Variants in ORC5 observed in about 807,000 individuals in gnomAD.
The protein encoded by ORC5 is origin recognition complex subunit 5.
In ORC5, 39 loss-of-function variants were observed where a neutral mutation model predicts 58.8. The observed-to-expected ratio is 0.66, with a 90% CI of 0.51 to 0.87. The LOEUF (loss-of-function observed/expected upper bound fraction) is 0.87, where lower values mean the gene tolerates loss of function less well. Among genes scored for constraint, ORC5 ranks in the 40% least tolerant of loss-of-function variants. The pLI, the probability that ORC5 is intolerant of heterozygous loss-of-function variation, is 0.00. For missense variants in ORC5, 493 were observed against 506.3 expected (o/e 0.97, Z 0.25); for synonymous variants, 218 against 177.6 (o/e 1.23, Z -1.81).
intron 12 of ORC5, among the ~76,000 whole-genome samples, chr7:104,139,567 T>G (rs1366679111): frequency 6.6e-6 from 1 of 152,088 alleles, no homozygotes; most frequent in African/African-American, 2.4e-5. Flanking sequence ...GTATCTTATG[T>G]AGAGAAAATC....
chr7:104,164,794 G>A (rs1799079498), intron 11 of ORC5, among the ~76,000 whole-genome samples: 1 of 152,162 alleles, frequency 6.6e-6, no homozygotes, highest in Non-Finnish European at 1.5e-5. Context: ...TTGAGGCTTA[G>A]GTTTTAGCGT....
intron 4 of ORC5, among the ~76,000 whole-genome samples, chr7:104,195,542 C>T (rs1584521483): frequency 6.6e-6 from 1 of 152,274 alleles, no homozygotes; most frequent in East Asian, 1.9e-4. Context: ...AGGCATGTGC[C>T]ACCATGCCCA....
chr7:104,127,045 C>A, intron 13 of ORC5, 152 bp from the exon 14 acceptor site: 2 of 396,212 alleles, frequency 5.0e-6, no homozygotes, highest in Non-Finnish European at 4.6e-6. Context: ...GACATTAATT[C>A]TTTAAAATGT....
At chr7:104,187,608 C>T (rs1285890416) in intron 6 of ORC5, 3 of 279,672 alleles carry the variant, frequency 1.1e-5, no homozygotes, top group Non-Finnish European at 1.6e-5. Flanking sequence ...AACAGAAATT[C>T]TTGTCTCTTT....
At chr7:104,160,650 T>C (rs184487181) in intron 12 of ORC5, among the ~76,000 whole-genome samples, 11 of 152,110 alleles carry the variant, frequency 7.2e-5, no homozygotes, top group African/African-American at 1.2e-4. Context: ...CATTTTTTAA[T>C]AAAAGCACAT....
At chr7:104,140,430 C>T (rs1350211764) in intron 12 of ORC5, among the ~76,000 whole-genome samples, 1 of 151,948 alleles carries the variant, frequency 6.6e-6, no homozygotes, top group Non-Finnish European at 1.5e-5. Flanking sequence ...CCTTTTAATT[C>T]GAATGTCCAT....
intron 12 of ORC5, among the ~76,000 whole-genome samples, chr7:104,154,702 AT>A (rs1173358569): frequency 6.6e-6 from 1 of 151,938 alleles, no homozygotes; most frequent in Non-Finnish European, 1.5e-5. Context: ...TGGAAAAAAA[AT>A]AAACACTGAC....
rs1312402963 is a variant in ORC5, at chr7:104,138,243, T to C, written c.1150-1350A>G. On this transcript the variant is annotated intron_variant, in intron 12 of 13. Transcript: ENST00000297431. This position sits in a 1 kb window ranked among gnomAD's most constrained non-coding sequence, Gnocchi z 4.7. The stretch of plus-strand genomic sequence containing the variant: ...GATTCAAACAATCAGTCCCTAAGAA[T>C]TCCACTAGAGACAGCTTTGTTTCAT... 6.6e-6 allele frequency among the ~76,000 whole-genome samples: 1 copy of C among 152,180 alleles called. No individual in the cohort carries two copies. Among genetic ancestry groups the C allele is most frequent in the Non-Finnish European group, 1.5e-5 (1 of 68,036 alleles).
intron 8 of ORC5, among the ~76,000 whole-genome samples, 180 bp downstream of exon 8, chr7:104,183,763 T>C (rs150631991): frequency 1.2e-4 from 18 of 152,340 alleles, no homozygotes; most frequent in African/African-American, 4.3e-4. Context: ...AAAAACCTTG[T>C]CTTCCTTTAC....
chr7:104,174,731 G>A (rs1467897433), intron 8 of ORC5, among the ~76,000 whole-genome samples: 1 of 152,172 alleles, frequency 6.6e-6, no homozygotes, highest in Non-Finnish European at 1.5e-5. Flanking sequence ...TCAGGAGTTG[G>A]GTAGGTAAGC....
At position 104,204,334 on chromosome 7, in the gene ORC5, A is replaced by G. The variant is rs1054708712; in HGVS notation, c.73-100T>C. ...TTGTACGTGGAAAAGTGAAATATTCAATCCAAATTCCTAACAATGAGCATA... is the reference window on the plus strand; with the variant it reads ...TTGTACGTGGAAAAGTGAAATATTCGATCCAAATTCCTAACAATGAGCATA... On this transcript the variant is annotated intron_variant, in intron 1 of 13. Transcript: ENST00000297431. 6 of 716,838 alleles carry G rather than the reference A, an allele frequency of 8.4e-6. No homozygotes were observed. In the African/African-American group the frequency reaches 1.1e-4, roughly 13 times the overall value. 44.4% of individuals were successfully genotyped at this position (716,838 alleles called of 1,614,324 possible).
chr7:104,203,061 G>A (rs1015796534), intron 2 of ORC5, among the ~76,000 whole-genome samples: 1 of 152,204 alleles, frequency 6.6e-6, no homozygotes, highest in Non-Finnish European at 1.5e-5. Context: ...AGTATAAGTA[G>A]AAGAAAACCT....
intron 2 of ORC5, 126 bp from the exon 3 acceptor site, chr7:104,201,084 G>A: frequency 1.4e-6 from 1 of 694,278 alleles, no homozygotes; most frequent in Non-Finnish European, 2.5e-6. Flanking sequence ...CATGCCCCAA[G>A]AGCCTGACAG....
intron 6 of ORC5, 192 bp from the exon 7 acceptor site, chr7:104,184,363 G>C (rs1799498415): frequency 1.8e-6 from 1 of 564,776 alleles, no homozygotes; most frequent in Admixed American, 3.4e-5. Flanking sequence ...CAGGGGGATT[G>C]CTTGAGCCCA....
At chr7:104,157,115 A>G (rs530636754) in intron 12 of ORC5, among the ~76,000 whole-genome samples, 1 of 152,146 alleles carries the variant, frequency 6.6e-6, no homozygotes, top group South Asian at 2.1e-4. Context: ...AAGGAGAAAG[A>G]AGAAAACTAG....
At chr7:104,141,643 G>C (rs12112780) in intron 12 of ORC5, among the ~76,000 whole-genome samples, 4,156 of 152,046 alleles carry the variant, frequency 0.027, 172 homozygotes, top group African/African-American at 0.095. Context: ...TAAAGTTGCA[G>C]AATACAAAAA....
At position 104,136,698 on chromosome 7, in the gene ORC5, A is replaced by T; in HGVS notation, c.1262+83T>A. The stretch of plus-strand genomic sequence containing the variant: ...TTAAATAGATGATTTTTTCATGTTT[A>T]AATGTCATGACTAATGACATCACAT... On this transcript the variant is annotated intron_variant, in intron 13 of 13. Coordinates refer to ENST00000297431, the MANE Select transcript of ORC5 (RefSeq NM_002553.4). This position sits in a 1 kb window ranked among gnomAD's most constrained non-coding sequence, Gnocchi z 4.2. The T allele has an allele frequency of 1.2e-6, 1 of 843,746 alleles. No homozygotes were observed. The highest frequency in any genetic ancestry group is 1.9e-6 in the Non-Finnish European group (1 of 513,856). 52.3% of individuals were successfully genotyped at this position (843,746 alleles called of 1,614,324 possible). A position where few individuals can be genotyped will look rare whatever the true frequency, so the allele number is the denominator to read the frequency against.
At chr7:104,182,864 G>C (rs1016946950) in intron 8 of ORC5, among the ~76,000 whole-genome samples, 29 of 152,126 alleles carry the variant, frequency 1.9e-4, no homozygotes, top group African/African-American at 6.5e-4. Context: ...ACCGGGTGTG[G>C]TGGCTCACAC....
chr7:104,200,658 C>G (rs1166472132), intron 3 of ORC5, 100 bp downstream of exon 3: 1 of 722,256 alleles, frequency 1.4e-6, no homozygotes, highest in East Asian at 2.7e-5. Flanking sequence ...TGGCACAGAG[C>G]ACTGTACATA....
Sources: gnomAD v4.1 joint callset for allele counts (sites outside exome capture counted in the v4.1 genomes callset) on GRCh38, gnomAD v4.1.1 for gene constraint, Gnocchi (gnomAD v3.1) non-coding constraint, MANE v1.5 for transcripts, NCBI Gene and HGNC (gene_info 2026-07-23, HGNC 2026-07-21) for gene names.